Variants in TAFA5 observed in about 807,000 individuals in gnomAD.
TAFA5 encodes TAFA chemokine like family member 5, also known as chemokine-like protein TAFA-5.
A neutral mutation model predicts 15.3 loss-of-function variants in TAFA5; 6 were observed. The ratio of observed to expected loss-of-function variants is 0.39; its 90% CI spans 0.21 to 0.77. The LOEUF (loss-of-function observed/expected upper bound fraction) is 0.77. Ranked by LOEUF, TAFA5 falls within the 30% of genes least tolerant of loss-of-function variation. The pLI is 0.41. For synonymous variants in TAFA5, 103 were observed against 80.7 expected (o/e 1.28, Z -1.48); for missense variants, 161 against 193.1 (o/e 0.83, Z 0.98).
At chr22:48,507,215 A>C (rs1569162059) in intron 1 of TAFA5, among the ~76,000 whole-genome samples, 2 of 129,700 alleles carry the variant, frequency 1.5e-5, no homozygotes, top group Admixed American at 7.3e-5. Flanking sequence ...CCAGGTGTGC[A>C]GTTGGAGGAG....
chr22:48,552,877 T>A lies in TAFA5; in HGVS notation c.112+63173T>A, dbSNP rs1922905241. On this transcript the variant is annotated intron_variant, in intron 1 of 3. Coordinates refer to ENST00000402357, the MANE Select transcript of TAFA5 (RefSeq NM_001082967.3). This position sits in a 1 kb window ranked among gnomAD's most constrained non-coding sequence, Gnocchi z 4.1. ...GAGCCAGCCCTGGGTGCTGAGCCCC[T>A]GGTTTCCCACTGTTGTGACGGCCCT... 6.6e-6 allele frequency among the ~76,000 whole-genome samples: 1 copy of A among 152,176 alleles called. No homozygotes were observed. Among genetic ancestry groups the A allele is most frequent in the East Asian group, 1.9e-4 (1 of 5,132 alleles).
chr22:48,733,361 A>C (rs1330102759), intron 3 of TAFA5, among the ~76,000 whole-genome samples: 2 of 152,234 alleles, frequency 1.3e-5, no homozygotes, highest in Non-Finnish European at 2.9e-5. Context: ...CATGTGCTTC[A>C]GCCTCCAGCT....
chr22:48,692,714 G>A (rs910612748), intron 2 of TAFA5, among the ~76,000 whole-genome samples: 10 of 152,268 alleles, frequency 6.6e-5, no homozygotes, highest in African/African-American at 2.4e-4. Context: ...TCCAGCATGT[G>A]GAGTAGTATT....
intron 1 of TAFA5, among the ~76,000 whole-genome samples, chr22:48,581,528 C>G (rs1052842198): frequency 1.3e-5 from 2 of 152,152 alleles, no homozygotes; most frequent in African/African-American, 4.8e-5. Flanking sequence ...CGTCTCTGGG[C>G]GCGCGGAGCT....
At chr22:48,539,064 T>C in intron 1 of TAFA5, 1 of 234,444 alleles carries the variant, frequency 4.3e-6, no homozygotes, top group South Asian at 6.4e-5. Context: ...GCCTGTGGGG[T>C]GGGCACTGGC....
At position 48,710,400 on chromosome 22, in the gene TAFA5, C is replaced by T. The variant is rs75558444; in HGVS notation, c.390+2556C>T. Reference sequence around the variant, plus strand: ...CCCTGCCTCCTGCGTTCACCCAGAACGCCTGTCTTCTCCTCTCTCCTCCCC... The same window carrying T: ...CCCTGCCTCCTGCGTTCACCCAGAATGCCTGTCTTCTCCTCTCTCCTCCCC... On this transcript the variant is annotated intron_variant, in intron 3 of 3. Coordinates refer to ENST00000402357, the MANE Select transcript of TAFA5 (RefSeq NM_001082967.3). 4.0e-3 allele frequency among the ~76,000 whole-genome samples: 606 copies of T among 152,274 alleles called. 7 individuals carry two copies. Among genetic ancestry groups the T allele is most frequent in the East Asian group, 0.039 (202 of 5,180 alleles).
At chr22:48,683,551 C>T (rs1928260747) in intron 2 of TAFA5, among the ~76,000 whole-genome samples, 1 of 152,228 alleles carries the variant, frequency 6.6e-6, no homozygotes, top group African/African-American at 2.4e-5. Context: ...GGTCGTTGGG[C>T]CACAGACCGT....
intron 3 of TAFA5, among the ~76,000 whole-genome samples, chr22:48,740,286 C>T (rs1930141933): frequency 6.6e-6 from 1 of 152,078 alleles, no homozygotes; most frequent in Non-Finnish European, 1.5e-5. Flanking sequence ...GAGGTGGCTG[C>T]AGGAGCGGGG....
intron 2 of TAFA5, among the ~76,000 whole-genome samples, chr22:48,694,967 T>C (rs1375910869): frequency 6.6e-6 from 1 of 150,554 alleles, no homozygotes; most frequent in Admixed American, 6.7e-5. Flanking sequence ...CCCTGAGCCC[T>C]CCTGTGAGCT....
chr22:48,636,066 G>T (rs191106226), intron 1 of TAFA5, among the ~76,000 whole-genome samples: 1 of 152,364 alleles, frequency 6.6e-6, no homozygotes, highest in South Asian at 2.1e-4. Flanking sequence ...CGGCCAGGCC[G>T]CAGGCAGTTG....
Position 48,530,244 on chromosome 22 carries a change from G to T in TAFA5, c.112+40540G>T, listed in dbSNP as rs1454329384. 6.6e-6 allele frequency among the ~76,000 whole-genome samples: 1 copy of T among 152,154 alleles called. No homozygotes were observed. Among genetic ancestry groups the T allele is most frequent in the Admixed American group, 6.5e-5 (1 of 15,288 alleles). On this transcript the variant is annotated intron_variant, in intron 1 of 3. Transcript: ENST00000402357. This position sits in a 1 kb window ranked among gnomAD's most constrained non-coding sequence, Gnocchi z 6.0. ...TGTAAGTCTCCTCTGCTCCCCTCCT[G>T]TGACATCCGAGCATGGTCGTCTGAC...
At chr22:48,529,399 T>TC (rs1192798570) in intron 1 of TAFA5, among the ~76,000 whole-genome samples, 7 of 84,050 alleles carry the variant, frequency 8.3e-5, no homozygotes, top group African/African-American at 9.8e-5. Flanking sequence ...GATGAGGGTG[T>TC]CAGGCAGGAG....
intron 2 of TAFA5, among the ~76,000 whole-genome samples, chr22:48,677,374 G>A (rs1044740802): frequency 3.3e-5 from 5 of 152,246 alleles, no homozygotes; most frequent in Admixed American, 6.5e-5. Flanking sequence ...TGGGGATGCC[G>A]GGGTCGGTGG....
intron 1 of TAFA5, among the ~76,000 whole-genome samples, chr22:48,633,392 CTT>C (rs1205074050): frequency 1.3e-5 from 2 of 152,180 alleles, no homozygotes; most frequent in Non-Finnish European, 2.9e-5. Flanking sequence ...GTGGAATGTT[CTT>C]GAAACAATAC....
At chr22:48,674,277 A>G (rs1459506618) in intron 2 of TAFA5, among the ~76,000 whole-genome samples, 1 of 152,104 alleles carries the variant, frequency 6.6e-6, no homozygotes, top group Non-Finnish European at 1.5e-5. Context: ...GGCCTCCGGC[A>G]TTGCTCGCCC....
chr22:48,720,360 G>A (rs1458627309), intron 3 of TAFA5, among the ~76,000 whole-genome samples: 2 of 152,152 alleles, frequency 1.3e-5, no homozygotes, highest in Admixed American at 1.3e-4. Context: ...CTGGAATGCA[G>A]AGATGAGACA....
intron 1 of TAFA5, among the ~76,000 whole-genome samples, chr22:48,514,645 C>T (rs746524276): frequency 1.5e-4 from 23 of 152,168 alleles, no homozygotes; most frequent in Admixed American, 7.2e-4. Flanking sequence ...GTCCCCCACT[C>T]ATGCCAGCCA....
At chr22:48,500,908 G>A (rs1240851828) in intron 1 of TAFA5, among the ~76,000 whole-genome samples, 1 of 152,168 alleles carries the variant, frequency 6.6e-6, no homozygotes, top group African/African-American at 2.4e-5. Flanking sequence ...GAGGAGCTGG[G>A]GCATGCTTGG....
intron 1 of TAFA5, among the ~76,000 whole-genome samples, chr22:48,594,657 A>C (rs1004252089): frequency 1.3e-5 from 2 of 152,190 alleles, no homozygotes; most frequent in Non-Finnish European, 2.9e-5. Context: ...CACAGCCCTC[A>C]TCTGTGGGTG....
Sources: gnomAD v4.1 joint callset for allele counts (sites outside exome capture counted in the v4.1 genomes callset) on GRCh38, gnomAD v4.1.1 for gene constraint, Gnocchi (gnomAD v3.1) non-coding constraint, MANE v1.5 for transcripts, NCBI Gene and HGNC (gene_info 2026-07-23, HGNC 2026-07-21) for gene names.